BCAS3: variants seen among roughly 807,000 people sequenced by gnomAD.
BCAS3 encodes the protein BCAS3 microtubule associated cell migration factor, also known as BCAS4/BCAS3 fusion.
In BCAS3, 53 loss-of-function variants were observed where a neutral mutation model predicts 116.1. That is an observed-to-expected ratio of 0.46 (90% confidence interval 0.37 to 0.57). The LOEUF (loss-of-function observed/expected upper bound fraction) is 0.57, where lower values mean the gene tolerates loss of function less well. Ranked by LOEUF, BCAS3 falls within the 20% of genes least tolerant of loss-of-function variation. The pLI, the probability that BCAS3 is intolerant of heterozygous loss-of-function variation, is 0.00. For synonymous variants in BCAS3, 391 were observed against 408.2 expected (o/e 0.96, Z 0.51); for missense variants, 917 against 1,165.4 (o/e 0.79, Z 3.10).
intron 22 of BCAS3, among the ~76,000 whole-genome samples, chr17:61,264,155 T>C (rs1197304910): frequency 3.3e-5 from 5 of 151,994 alleles, no homozygotes; most frequent in Admixed American, 3.3e-4. Flanking sequence ...TATATAGATA[T>C]AATTCTTGGA....
At chr17:61,385,576 C>G (rs1237157701) in intron 23 of BCAS3, among the ~76,000 whole-genome samples, 1 of 152,248 alleles carries the variant, frequency 6.6e-6, no homozygotes, top group Non-Finnish European at 1.5e-5. Context: ...CAGGAACCCC[C>G]AGGCAGAAGG....
At chr17:60,901,956 G>A (rs558729247) in intron 10 of BCAS3, among the ~76,000 whole-genome samples, 12 of 152,192 alleles carry the variant, frequency 7.9e-5, no homozygotes, top group East Asian at 1.9e-4. Flanking sequence ...GGTTTATTGC[G>A]TAGCATGTGA....
At chr17:60,912,820 G>A (rs1375948837) in intron 12 of BCAS3, among the ~76,000 whole-genome samples, 4 of 152,094 alleles carry the variant, frequency 2.6e-5, no homozygotes, top group Admixed American at 2.6e-4. Context: ...TTATTGGGTA[G>A]TAACAACTCT....
At chr17:60,977,017 G>T (rs2062435957) in intron 14 of BCAS3, among the ~76,000 whole-genome samples, 1 of 151,956 alleles carries the variant, frequency 6.6e-6, no homozygotes, top group Non-Finnish European at 1.5e-5. Context: ...GGGGCGGCCG[G>T]GCAGAGGCGC....
intron 22 of BCAS3, among the ~76,000 whole-genome samples, chr17:61,257,420 C>CA (rs35124459): frequency 0.37 from 20,237 of 55,296 alleles, 3,008 homozygotes; most frequent in Non-Finnish European, 0.42. Context: ...GACTCCATCT[C>CA]AAAAAAAAAA....
At chr17:60,989,721 C>G (rs2063402138) in intron 14 of BCAS3, among the ~76,000 whole-genome samples, 1 of 152,130 alleles carries the variant, frequency 6.6e-6, no homozygotes, top group Non-Finnish European at 1.5e-5. Flanking sequence ...TTAAGATCTT[C>G]TTTCTTTGCA....
In BCAS3 at chr17:61,073,513, C is replaced by T. The variant is rs984317705; in HGVS notation, c.2030-1407C>T. On this transcript the variant is annotated intron_variant, in intron 19 of 23. Transcript: ENST00000407086. This position sits in a 1 kb window ranked among gnomAD's most constrained non-coding sequence, Gnocchi z 4.6. ...TCTAGCAAGAGCTCAGTGAGGTTGGCATTCTCTTTCACTGCTTGGGTAAGT... is the reference window on the plus strand; with the variant it reads ...TCTAGCAAGAGCTCAGTGAGGTTGGTATTCTCTTTCACTGCTTGGGTAAGT... Among the ~76,000 whole-genome samples, 2 of 152,100 alleles carry T rather than the reference C, an allele frequency of 1.3e-5. No individual in the cohort carries two copies. The highest frequency in any genetic ancestry group is 4.8e-5 in the African/African-American group (2 of 41,424).
chr17:61,347,700 C>G lies in BCAS3; in HGVS notation c.2426-20627C>G, dbSNP rs1223094850. On this transcript the variant is annotated intron_variant, in intron 22 of 23. Coordinates refer to ENST00000407086, the MANE Select transcript of BCAS3 (RefSeq NM_017679.5). This position sits in a 1 kb window ranked among gnomAD's most constrained non-coding sequence, Gnocchi z 4.3. Reference sequence around the variant, plus strand: ...TTTGTCTGTTGTGGAATTGGTGACTCTAGGTGCTATGTGAAGGTAAGCCTA... The same window carrying G: ...TTTGTCTGTTGTGGAATTGGTGACTGTAGGTGCTATGTGAAGGTAAGCCTA... Among the ~76,000 whole-genome samples, 2 of 152,178 alleles carry G rather than the reference C, an allele frequency of 1.3e-5. No homozygotes were observed.
intron 13 of BCAS3, among the ~76,000 whole-genome samples, chr17:60,935,010 C>T (rs1275877109): frequency 2.0e-5 from 3 of 152,098 alleles, no homozygotes; most frequent in Non-Finnish European, 4.4e-5. Flanking sequence ...ATACAAAAAT[C>T]AGCCGGGTGT....
chr17:61,143,192 CA>C (rs1207132329), intron 22 of BCAS3, among the ~76,000 whole-genome samples: 7 of 152,108 alleles, frequency 4.6e-5, no homozygotes, highest in African/African-American at 1.4e-4. Flanking sequence ...TAGTAAAAAA[CA>C]TTGCTAGGAT....
intron 6 of BCAS3, among the ~76,000 whole-genome samples, chr17:60,799,092 A>G (rs2047467084): frequency 6.6e-6 from 1 of 152,104 alleles, no homozygotes; most frequent in Non-Finnish European, 1.5e-5. Context: ...AATGTTTTCT[A>G]GTCTGTAGCT....
At chr17:60,811,822 C>T (rs949995689) in intron 7 of BCAS3, among the ~76,000 whole-genome samples, 6 of 152,124 alleles carry the variant, frequency 3.9e-5, no homozygotes, top group East Asian at 3.9e-4. Flanking sequence ...CCAAGGCCAG[C>T]GGATCGCTTG....
intron 12 of BCAS3, among the ~76,000 whole-genome samples, chr17:60,911,115 T>TTTTTCTTTC (rs1295801844): frequency 1.3e-5 from 1 of 76,756 alleles, no homozygotes; most frequent in African/African-American, 5.9e-5. Flanking sequence ...TTTTTTCTTT[T>TTTTTCTTTC]TTTCTTTCTT....
intron 20 of BCAS3, among the ~76,000 whole-genome samples, chr17:61,075,998 A>G (rs554864052): frequency 3.9e-5 from 6 of 152,072 alleles, no homozygotes; most frequent in South Asian, 2.1e-4. Flanking sequence ...GGCTCAAGCA[A>G]TCCTCCTGTG....
intron 22 of BCAS3, among the ~76,000 whole-genome samples, chr17:61,182,668 C>T (rs1478359043): frequency 2.0e-5 from 3 of 152,204 alleles, no homozygotes; most frequent in East Asian, 1.9e-4. Flanking sequence ...AATAGGAGCT[C>T]ACACTCCCCA....
At chr17:60,703,782 T>C (rs770049864) in intron 4 of BCAS3, among the ~76,000 whole-genome samples, 1 of 150,620 alleles carries the variant, frequency 6.6e-6, no homozygotes, top group African/African-American at 2.4e-5. Context: ...GGCGCGGTGG[T>C]GGGCGCCTGT....
At chr17:60,936,677 A>G (rs369582839) in intron 13 of BCAS3, among the ~76,000 whole-genome samples, 1 of 152,188 alleles carries the variant, frequency 6.6e-6, no homozygotes, top group African/African-American at 2.4e-5. Context: ...GTGTCTGTTC[A>G]TATCCTTCAC....
At chr17:60,761,687 G>A (rs1214833924) in intron 6 of BCAS3, among the ~76,000 whole-genome samples, 1 of 152,048 alleles carries the variant, frequency 6.6e-6, no homozygotes, top group Admixed American at 6.6e-5. Context: ...TGTCTTTATA[G>A]CAGCATGATT....
intron 22 of BCAS3, among the ~76,000 whole-genome samples, chr17:61,232,200 GA>G (rs71148394): frequency 0.086 from 6,205 of 72,324 alleles, 116 homozygotes; most frequent in Middle Eastern, 0.15. Context: ...GAAAGACTCC[GA>G]AAAAAAAAAA....
Sources: gnomAD v4.1 joint callset for allele counts (sites outside exome capture counted in the v4.1 genomes callset) on GRCh38, gnomAD v4.1.1 for gene constraint, Gnocchi (gnomAD v3.1) non-coding constraint, MANE v1.5 for transcripts, NCBI Gene and HGNC (gene_info 2026-07-23, HGNC 2026-07-21) for gene names.